CTNNA2: variants seen among roughly 807,000 people sequenced by gnomAD.
The protein encoded by CTNNA2 is catenin alpha 2.
In CTNNA2, 42 loss-of-function variants were observed where a neutral mutation model predicts 101.0. The observed-to-expected ratio is 0.42, with a 90% CI of 0.32 to 0.54. The LOEUF (loss-of-function observed/expected upper bound fraction) is 0.54. CTNNA2 is among the 20% of genes least tolerant of loss of function. CTNNA2 has a pLI of 0.14. For synonymous variants in CTNNA2, 450 were observed against 456.4 expected, an observed-to-expected ratio of 0.99 and a Z score of 0.18; for missense variants, 871 against 1,223.1, an observed-to-expected ratio of 0.71 and a Z score of 4.29.
chr2:79,232,548 T>C (rs534569081), intron 2 of CTNNA2, among the ~76,000 whole-genome samples: 5 of 152,074 alleles, frequency 3.3e-5, no homozygotes, highest in Non-Finnish European at 7.3e-5. Context: ...TGATGCTGGC[T>C]TTACAGAATG....
intron 7 of CTNNA2, among the ~76,000 whole-genome samples, chr2:80,152,029 C>T (rs140113438): frequency 6.2e-4 from 95 of 152,322 alleles, no homozygotes; most frequent in African/African-American, 1.7e-3. Context: ...TTGTATGTCT[C>T]CCTCCTGGAA....
chr2:79,855,261 C>T (rs555355307), intron 3 of CTNNA2, among the ~76,000 whole-genome samples: 26 of 152,192 alleles, frequency 1.7e-4, no homozygotes, highest in African/African-American at 6.0e-4. Flanking sequence ...CTCTCACGGA[C>T]ATCTGCTGAG....
chr2:79,212,797 A>G (rs1674193110), intron 2 of CTNNA2, among the ~76,000 whole-genome samples: 2 of 152,206 alleles, frequency 1.3e-5, no homozygotes, highest in South Asian at 4.1e-4. Context: ...GGGGCATGTG[A>G]GTAAAGCTAA....
intron 7 of CTNNA2, among the ~76,000 whole-genome samples, chr2:80,012,568 A>G (rs916922418): frequency 3.3e-5 from 5 of 152,168 alleles, no homozygotes; most frequent in Non-Finnish European, 7.3e-5. Flanking sequence ...TGTCACAACT[A>G]CTCAACTCTC....
At chr2:80,341,697 T>C (rs1001172388) in intron 7 of CTNNA2, among the ~76,000 whole-genome samples, 1 of 152,136 alleles carries the variant, frequency 6.6e-6, no homozygotes, top group Non-Finnish European at 1.5e-5. Context: ...CTTTGCAAAA[T>C]AGTTCGGTAG....
chr2:80,122,291 CTCAA>C (rs890218303), intron 7 of CTNNA2, among the ~76,000 whole-genome samples: 1 of 151,432 alleles, frequency 6.6e-6, no homozygotes, highest in African/African-American at 2.4e-5. Flanking sequence ...CTGTCTCTCT[CTCAA>C]TCTCTCTTCC....
intron 11 of CTNNA2, among the ~76,000 whole-genome samples, chr2:80,553,658 T>A (rs1469346353): frequency 6.6e-6 from 1 of 152,232 alleles, no homozygotes; most frequent in East Asian, 1.9e-4. Context: ...TGTATTACTG[T>A]TATACAAAGA....
intron 1 of CTNNA2, among the ~76,000 whole-genome samples, chr2:79,556,274 G>C (rs1264209010): frequency 6.6e-6 from 1 of 151,974 alleles, no homozygotes; most frequent in Non-Finnish European, 1.5e-5. Flanking sequence ...TCAGTAACTG[G>C]GAAGGGTTAG....
At chr2:80,028,333 C>A (rs1695074008) in intron 7 of CTNNA2, 1 of 152,234 alleles carries the variant, frequency 6.6e-6, no homozygotes, top group Non-Finnish European at 1.5e-5. Context: ...TCTCCTCCAG[C>A]TCCCTGATTC....
At chr2:79,464,415 G>C (rs1367634668) in intron 4 of CTNNA2, among the ~76,000 whole-genome samples, 1 of 152,136 alleles carries the variant, frequency 6.6e-6, no homozygotes, top group Non-Finnish European at 1.5e-5. Flanking sequence ...CCAAGTCTTT[G>C]CTATTGTGAA....
chr2:80,135,431 T>C (rs1702638328), intron 7 of CTNNA2, among the ~76,000 whole-genome samples: 1 of 152,178 alleles, frequency 6.6e-6, no homozygotes, highest in Non-Finnish European at 1.5e-5. Flanking sequence ...TTGAGGTGGG[T>C]AGACCAGAAA....
intron 9 of CTNNA2, among the ~76,000 whole-genome samples, chr2:80,420,096 G>T (rs1680404255): frequency 6.7e-6 from 1 of 148,824 alleles, no homozygotes; most frequent in African/African-American, 2.5e-5. Context: ...TTGAACTTTT[G>T]GTGGAAGATC....
chr2:80,474,285 T>C (rs1039361515), intron 9 of CTNNA2, among the ~76,000 whole-genome samples: 2 of 152,218 alleles, frequency 1.3e-5, no homozygotes, highest in African/African-American at 4.8e-5. Context: ...TGGCTTTTGT[T>C]GGCACTGGAG....
At chr2:79,717,719 A>T (rs1686198995) in intron 2 of CTNNA2, among the ~76,000 whole-genome samples, 1 of 152,224 alleles carries the variant, frequency 6.6e-6, no homozygotes, top group South Asian at 2.1e-4. Context: ...TGAGGGGCAG[A>T]AAAACAGTTG....
chr2:80,014,498 A>G (rs751950409), intron 7 of CTNNA2, among the ~76,000 whole-genome samples: 7 of 151,994 alleles, frequency 4.6e-5, no homozygotes, highest in African/African-American at 7.3e-5. Flanking sequence ...GTGCTACCAT[A>G]TATCATATCA....
chr2:80,574,351 C>A, intron 13 of CTNNA2, 37 bp downstream of exon 13: 1 of 1,530,580 alleles, frequency 6.5e-7, no homozygotes, highest in Non-Finnish European at 8.8e-7. Context: ...CTGGTCAGAT[C>A]TCCTAGTAGG....
At chr2:79,662,824 C>T (rs1026064868) in intron 2 of CTNNA2, among the ~76,000 whole-genome samples, 5 of 152,186 alleles carry the variant, frequency 3.3e-5, no homozygotes, top group Admixed American at 1.3e-4. Flanking sequence ...GAAAACAAAA[C>T]TCTAAGTCTT....
intron 1 of CTNNA2, among the ~76,000 whole-genome samples, chr2:79,626,607 GTGTGTGTGTGTA>G (rs1558782087): frequency 1.5e-5 from 2 of 131,568 alleles, no homozygotes; most frequent in African/African-American, 3.1e-5. Context: ...GTGTATGTGC[GTGTGTGTGTGTA>G]TGTGTGTGTG....
chr2:80,137,448 A>T (rs1413251448), intron 7 of CTNNA2, among the ~76,000 whole-genome samples: 1 of 152,134 alleles, frequency 6.6e-6, no homozygotes, highest in Non-Finnish European at 1.5e-5. Flanking sequence ...GGAGATACGA[A>T]CTAACAGTGA....
Sources: allele counts gnomAD v4.1 joint callset (sites outside exome capture counted in the v4.1 genomes callset), GRCh38; gene constraint gnomAD v4.1.1; transcripts MANE v1.5; gene names NCBI Gene and HGNC (gene_info 2026-07-23, HGNC 2026-07-21).